USP34: variants seen among roughly 807,000 people sequenced by gnomAD.
The protein encoded by USP34 is ubiquitin specific peptidase 34, also known as ubiquitin carboxyl-terminal hydrolase 34.
USP34 carries 70 observed loss-of-function variants against 460.3 expected under a neutral mutation model. The ratio of observed to expected loss-of-function variants is 0.15; its 90% confidence interval spans 0.13 to 0.19. The LOEUF (loss-of-function observed/expected upper bound fraction) is 0.19. USP34 is among the 10% of genes least tolerant of loss of function. The pLI is 1.00. For missense variants in USP34, 3,985 were observed against 4,236.2 expected, an observed-to-expected ratio of 0.94 and a Z score of 1.65; for synonymous variants, 1,647 against 1,405.3, an observed-to-expected ratio of 1.17 and a Z score of -3.85.
intron 41 of USP34, among the ~76,000 whole-genome samples, chr2:61,272,304 G>C (rs76392161): frequency 6.6e-6 from 1 of 151,738 alleles, no homozygotes; most frequent in African/African-American, 2.4e-5. Flanking sequence ...CCAGCTACTT[G>C]GGAGGCTGCA....
At chr2:61,297,066 G>T in intron 29 of USP34, 141 bp from the exon 30 acceptor site, 1 of 1,101,432 alleles carries the variant, frequency 9.1e-7, no homozygotes, top group Non-Finnish European at 1.3e-6. Flanking sequence ...TGAAACATTT[G>T]TTATATGATA....
intron 32 of USP34, among the ~76,000 whole-genome samples, chr2:61,293,846 C>G (rs1251919440): frequency 6.6e-6 from 1 of 151,910 alleles, no homozygotes; most frequent in African/African-American, 2.4e-5. Context: ...AAGACCTCAT[C>G]TCTACAAAAA....
At chr2:61,285,568 C>A (rs943952803) in intron 34 of USP34, among the ~76,000 whole-genome samples, 7 of 151,564 alleles carry the variant, frequency 4.6e-5, no homozygotes, top group South Asian at 4.2e-4. Flanking sequence ...CAAAAATAGT[C>A]TTTACATTCG....
At chr2:61,295,923 C>T (rs1690012680) in intron 30 of USP34, among the ~76,000 whole-genome samples, 3 of 152,150 alleles carry the variant, frequency 2.0e-5, no homozygotes, top group South Asian at 2.1e-4. Context: ...AGAGTTCTTT[C>T]GGAGATGTCC....
chr2:61,299,963 C>G (rs1247331746), intron 29 of USP34, among the ~76,000 whole-genome samples: 1 of 152,140 alleles, frequency 6.6e-6, no homozygotes, highest in Non-Finnish European at 1.5e-5. Flanking sequence ...AGTGCCATTT[C>G]TGTCTTCCTT....
chr2:61,375,632 G>C (rs945801993), intron 8 of USP34, among the ~76,000 whole-genome samples: 1 of 151,904 alleles, frequency 6.6e-6, no homozygotes, highest in African/African-American at 2.4e-5. Context: ...AGCCGGAAGT[G>C]GTGGCGGGTG....
chr2:61,465,611 G>A (rs1349878129), intron 1 of USP34, among the ~76,000 whole-genome samples: 1 of 152,200 alleles, frequency 6.6e-6, no homozygotes. Context: ...GGGAGGCTGA[G>A]GCAGGAGAAT....
intron 27 of USP34, among the ~76,000 whole-genome samples, chr2:61,302,921 T>C (rs891524100): frequency 2.0e-5 from 3 of 152,228 alleles, no homozygotes; most frequent in African/African-American, 7.2e-5. Context: ...AAAAATTACA[T>C]TGGAATTACT....
At position 61,300,738 on chromosome 2, in the gene USP34, G is replaced by A. The variant is rs528994176; in HGVS notation, c.4128+213C>T. Among the ~76,000 whole-genome samples, 4 of 150,722 alleles carry A rather than the reference G, an allele frequency of 2.7e-5. No individual in the cohort carries two copies. The East Asian group carries it at 7.9e-4, about 30-fold the overall frequency. ...ATGAACCCGGGAGGTGGAGCTTGCAGTGAGATGAGATTGCACCACTGCACT... is the reference window on the plus strand; with the variant it reads ...ATGAACCCGGGAGGTGGAGCTTGCAATGAGATGAGATTGCACCACTGCACT... On this transcript the variant is annotated intron_variant, in intron 29 of 79. Coordinates refer to ENST00000398571, the MANE Select transcript of USP34 (RefSeq NM_014709.4).
At chr2:61,466,427 A>G (rs927618249) in intron 1 of USP34, among the ~76,000 whole-genome samples, 5 of 152,144 alleles carry the variant, frequency 3.3e-5, no homozygotes, top group African/African-American at 9.7e-5. Context: ...CCCTATCTCA[A>G]AAAAACAATA....
chr2:61,281,448 C>A (rs1689533299), intron 37 of USP34, among the ~76,000 whole-genome samples: 1 of 152,094 alleles, frequency 6.6e-6, no homozygotes, highest in Admixed American at 6.5e-5. Context: ...CCTGTCACCA[C>A]AAAAAATACA....
intron 10 of USP34, among the ~76,000 whole-genome samples, chr2:61,369,285 A>G (rs565783979): frequency 2.6e-5 from 4 of 152,326 alleles, no homozygotes; most frequent in Middle Eastern, 3.4e-3. Context: ...TAGCTACACA[A>G]AAGTTTCACA....
At chr2:61,237,381 A>G (rs925998475) in intron 53 of USP34, among the ~76,000 whole-genome samples, 2 of 152,082 alleles carry the variant, frequency 1.3e-5, no homozygotes, top group African/African-American at 2.4e-5. Context: ...CTTCAACCCC[A>G]TAATGGCCTA....
intron 30 of USP34, among the ~76,000 whole-genome samples, chr2:61,295,607 T>C (rs1046510463): frequency 7.9e-5 from 12 of 152,230 alleles, no homozygotes; most frequent in African/African-American, 2.4e-4. Flanking sequence ...CTTCTAAAGA[T>C]GGTGATGAAT....
chr2:61,350,733 C>A (rs1461326616), intron 10 of USP34, 40 bp from the exon 11 acceptor site: 1 of 1,589,864 alleles, frequency 6.3e-7, no homozygotes, highest in South Asian at 1.2e-5. Context: ...AAAATAATTG[C>A]CCAATACATG....
intron 7 of USP34, 89 bp from the exon 8 acceptor site, chr2:61,378,513 CA>C: frequency 1.3e-6 from 1 of 774,272 alleles, no homozygotes; most frequent in South Asian, 1.8e-5. Flanking sequence ...AACTGATTGA[CA>C]TATGTAGATC....
intron 29 of USP34, among the ~76,000 whole-genome samples, chr2:61,299,738 T>G (rs1000466177): frequency 2.0e-5 from 3 of 152,164 alleles, no homozygotes; most frequent in African/African-American, 7.2e-5. Context: ...GGTGACACAC[T>G]GAGACCATGT....
At chr2:61,462,754 G>A (rs1366594704) in intron 1 of USP34, among the ~76,000 whole-genome samples, 1 of 151,542 alleles carries the variant, frequency 6.6e-6, no homozygotes, top group African/African-American at 2.4e-5. Context: ...CCAGCTACTT[G>A]GGAGGGTGAG....
At position 61,370,595 on chromosome 2, in the gene USP34, G is replaced by T; in HGVS notation, c.1077-16C>A. On this transcript the variant is annotated splice_polypyrimidine_tract_variant and intron_variant, in intron 8 of 79. Coordinates refer to ENST00000398571, the MANE Select transcript of USP34 (RefSeq NM_014709.4). ...TGCAATGGACCTAAAGTCAAGCAAT[G>T]AAAATAGTACATTAAAAAAAATTGT... The T allele has an allele frequency of 1.2e-6, 2 of 1,607,792 alleles. No individual in the cohort carries two copies. Among genetic ancestry groups the T allele is most frequent in the East Asian group, 2.2e-5 (1 of 44,784 alleles).
Sources: gnomAD v4.1 joint callset for allele counts (sites outside exome capture counted in the v4.1 genomes callset) on GRCh38, gnomAD v4.1.1 for gene constraint, MANE v1.5 for transcripts, NCBI Gene and HGNC (gene_info 2026-07-23, HGNC 2026-07-21) for gene names.